Variants in GABRG3 observed in about 807,000 individuals in gnomAD.
GABRG3 encodes gamma-aminobutyric acid receptor subunit gamma-3.
GABRG3 carries 25 observed loss-of-function variants against 48.8 expected under a neutral mutation model. That is an observed-to-expected ratio of 0.51 (90% CI 0.37 to 0.72). The LOEUF (loss-of-function observed/expected upper bound fraction) is 0.72, where lower values mean the gene tolerates loss of function less well. GABRG3 is among the 30% of genes least tolerant of loss of function. GABRG3 has a pLI of 0.00. For missense variants in GABRG3, 394 were observed against 577.9 expected (o/e 0.68, Z 3.26); for synonymous variants, 227 against 217.6 (o/e 1.04, Z -0.38).
At chr15:26,971,619 G>C in intron 1 of GABRG3, 31 bp downstream of exon 1, 1 of 1,519,332 alleles carries the variant, frequency 6.6e-7, no homozygotes, top group South Asian at 1.2e-5. Flanking sequence ...ATCCCCGGAG[G>C]CCCCGAGCTG....
At chr15:27,403,908 AAAAAACAAAAAAAAAAAAAAC>A in intron 5 of GABRG3, among the ~76,000 whole-genome samples, 1 of 126,080 alleles carries the variant, frequency 7.9e-6, no homozygotes, top group African/African-American at 4.1e-5. Context: ...CAGACTCAAA[AAAAAACAAAAAAAAAAAAAAC>A]AAAAAAAAAA....
intron 3 of GABRG3, among the ~76,000 whole-genome samples, chr15:27,216,572 C>G (rs1889252881): frequency 6.6e-6 from 1 of 152,072 alleles, no homozygotes; most frequent in African/African-American, 2.4e-5. Flanking sequence ...TAAGGCAAAT[C>G]CACCGCACAT....
At chr15:27,401,177 C>G (rs1887464975) in intron 5 of GABRG3, among the ~76,000 whole-genome samples, 1 of 152,182 alleles carries the variant, frequency 6.6e-6, no homozygotes, top group Non-Finnish European at 1.5e-5. Flanking sequence ...CATCAAAATT[C>G]TAGTAAATAT....
intron 5 of GABRG3, chr15:27,364,917 T>G (rs1895141679): frequency 6.6e-6 from 1 of 152,174 alleles, no homozygotes; most frequent in African/African-American, 2.4e-5. Flanking sequence ...GCCTTTTTGT[T>G]TTAATTTCAG....
intron 5 of GABRG3, among the ~76,000 whole-genome samples, chr15:27,372,865 C>T (rs1386992630): frequency 6.6e-6 from 1 of 152,160 alleles, no homozygotes; most frequent in Non-Finnish European, 1.5e-5. Context: ...GAGTGGTTGT[C>T]ACTGTACCTG....
intron 5 of GABRG3, among the ~76,000 whole-genome samples, chr15:27,335,015 A>G (rs1361952883): frequency 1.3e-5 from 2 of 152,258 alleles, no homozygotes; most frequent in Non-Finnish European, 2.9e-5. Flanking sequence ...TCTGTGATAT[A>G]TAAATACCTC....
intron 5 of GABRG3, among the ~76,000 whole-genome samples, chr15:27,437,322 C>T (rs1406625489): frequency 6.6e-6 from 1 of 152,162 alleles, no homozygotes; most frequent in Non-Finnish European, 1.5e-5. Context: ...CTCTAATTAA[C>T]AAATGGAGTA....
At chr15:27,321,671 C>T (rs1893430720) in intron 3 of GABRG3, among the ~76,000 whole-genome samples, 1 of 152,194 alleles carries the variant, frequency 6.6e-6, no homozygotes, top group Non-Finnish European at 1.5e-5. Context: ...CGAGCTGAGG[C>T]CCAATAGGGG....
intron 3 of GABRG3, among the ~76,000 whole-genome samples, chr15:27,209,131 G>A (rs1888983344): frequency 6.6e-6 from 1 of 152,134 alleles, no homozygotes; most frequent in Admixed American, 6.5e-5. Context: ...AGGGATTTTG[G>A]AACATTTGCA....
intron 3 of GABRG3, among the ~76,000 whole-genome samples, chr15:27,107,677 T>A (rs1347893618): frequency 6.6e-6 from 1 of 152,014 alleles, no homozygotes; most frequent in East Asian, 1.9e-4. Flanking sequence ...GCTTTGTTGT[T>A]TTTTTCTCTA....
At chr15:27,065,602 C>T (rs1387054238) in intron 3 of GABRG3, among the ~76,000 whole-genome samples, 3 of 152,140 alleles carry the variant, frequency 2.0e-5, no homozygotes, top group Non-Finnish European at 4.4e-5. Flanking sequence ...CTCCAGTAAT[C>T]TCTGTGTGCT....
rs372719309 is a variant in GABRG3, at chr15:27,110,661, T to C, written c.270+83840T>C. Among the ~76,000 whole-genome samples the C allele has an allele frequency of 2.6e-5, 4 of 152,098 alleles. 1 individual carries two copies. In the East Asian group the frequency reaches 7.7e-4, roughly 29 times the overall value. On this transcript the variant is annotated intron_variant, in intron 3 of 9. Coordinates refer to ENST00000615808, the MANE Select transcript of GABRG3 (RefSeq NM_033223.5). Reference sequence around the variant, plus strand: ...TTTCACTGGATGTAGAATTTTAAGTTGGTGAGTTTTTTTTTCTTTGAACAA... The same window carrying C: ...TTTCACTGGATGTAGAATTTTAAGTCGGTGAGTTTTTTTTTCTTTGAACAA...
intron 3 of GABRG3, among the ~76,000 whole-genome samples, chr15:27,201,445 G>A (rs1464022294): frequency 1.3e-5 from 2 of 151,498 alleles, no homozygotes; most frequent in Admixed American, 6.6e-5. Context: ...AGAGAAGAGA[G>A]GGAGAAAGAG....
At chr15:26,972,381 C>G (rs1241923698) in intron 1 of GABRG3, among the ~76,000 whole-genome samples, 1 of 152,072 alleles carries the variant, frequency 6.6e-6, no homozygotes, top group African/African-American at 2.4e-5. Flanking sequence ...ACAGTGGGAC[C>G]CAAAGGGTTA....
At chr15:27,206,920 C>G (rs1888872712) in intron 3 of GABRG3, among the ~76,000 whole-genome samples, 1 of 152,068 alleles carries the variant, frequency 6.6e-6, no homozygotes, top group Non-Finnish European at 1.5e-5. Flanking sequence ...TTCTCCATCC[C>G]TTTACTTGGA....
At chr15:27,228,190 C>T (rs894813398) in intron 3 of GABRG3, among the ~76,000 whole-genome samples, 1 of 152,152 alleles carries the variant, frequency 6.6e-6, no homozygotes, top group Non-Finnish European at 1.5e-5. Flanking sequence ...AAGCTCAGTT[C>T]CCAATAGTTG....
At chr15:27,402,093 T>A (rs956998680) in intron 5 of GABRG3, among the ~76,000 whole-genome samples, 1 of 152,216 alleles carries the variant, frequency 6.6e-6, no homozygotes, top group Non-Finnish European at 1.5e-5. Flanking sequence ...AGAAAAAATA[T>A]ACAGGGGTGA....
chr15:27,496,489 G>T (rs1890490213), intron 6 of GABRG3, among the ~76,000 whole-genome samples: 1 of 152,136 alleles, frequency 6.6e-6, no homozygotes, highest in Admixed American at 6.6e-5. Flanking sequence ...GGCTTTTTCA[G>T]CCCCTATTCT....
rs758457431 is a variant in GABRG3 at position 27,457,784 on chromosome 15, A to G, written c.575-22866A>G. ...ACTGCTTTTTCTGCCTGTGTTTCACAAGGGGCTCTAAAGGACAGAATGTAT... is the reference window on the plus strand; with the variant it reads ...ACTGCTTTTTCTGCCTGTGTTTCACGAGGGGCTCTAAAGGACAGAATGTAT... On this transcript the variant is annotated intron_variant, in intron 5 of 9. Transcript: ENST00000615808. The surrounding 1 kb of genome is among the most constrained non-coding windows in gnomAD (Gnocchi z 4.4). 1.3e-5 allele frequency among the ~76,000 whole-genome samples: 2 copies of G among 152,168 alleles called. No homozygotes were observed. Among genetic ancestry groups the G allele is most frequent in the African/African-American group, 2.4e-5 (1 of 41,440 alleles).
Sources: gnomAD v4.1 joint callset for allele counts (sites outside exome capture counted in the v4.1 genomes callset) on GRCh38, gnomAD v4.1.1 for gene constraint, Gnocchi (gnomAD v3.1) non-coding constraint, MANE v1.5 for transcripts, NCBI Gene and HGNC (gene_info 2026-07-23, HGNC 2026-07-21) for gene names.